ATP6V0A2: variants seen among roughly 807,000 people sequenced by gnomAD.
ATP6V0A2 encodes the protein V-type proton ATPase 116 kDa subunit a 2.
Under a neutral mutation model 104.4 loss-of-function variants are expected in ATP6V0A2, and 58 were observed. The ratio of observed to expected loss-of-function variants is 0.56; its 90% CI spans 0.45 to 0.69. The LOEUF (loss-of-function observed/expected upper bound fraction) is 0.69. Among genes scored for constraint, ATP6V0A2 ranks in the 30% least tolerant of loss-of-function variants. The pLI is 0.00. For synonymous variants in ATP6V0A2, 376 were observed against 397.9 expected, an observed-to-expected ratio of 0.95 and a Z score of 0.65; for missense variants, 938 against 1,062.9, an observed-to-expected ratio of 0.88 and a Z score of 1.63.
Position 123,728,842 on chromosome 12 carries a change from G to A in ATP6V0A2, c.648+933G>A, listed in dbSNP as rs960741077. 4.1e-4 allele frequency among the ~76,000 whole-genome samples: 62 copies of A among 149,836 alleles called. 1 individual carries two copies. The highest frequency in any genetic ancestry group is 4.4e-5 in the Non-Finnish European group (3 of 67,508). ...CTGGTCATGGTCCCTCTGATCACTTGATTAGTTCCATTACTGGTCATGGTC... is the reference window on the plus strand; with the variant it reads ...CTGGTCATGGTCCCTCTGATCACTTAATTAGTTCCATTACTGGTCATGGTC... On this transcript the variant is annotated intron_variant, in intron 6 of 19. Transcript: ENST00000330342.
chr12:123,743,443 C>T (rs1206045847), intron 9 of ATP6V0A2, among the ~76,000 whole-genome samples: 4 of 152,116 alleles, frequency 2.6e-5, no homozygotes, highest in Admixed American at 2.0e-4. Context: ...CACCTGAGGT[C>T]GGGAGTTCGA....
intron 1 of ATP6V0A2, among the ~76,000 whole-genome samples, chr12:123,716,220 C>G (rs535939985): frequency 9.0e-4 from 137 of 152,140 alleles, no homozygotes; most frequent in Non-Finnish European, 1.4e-3. Context: ...GCGCGCGCCA[C>G]CACGCCTGGC....
intron 1 of ATP6V0A2, among the ~76,000 whole-genome samples, chr12:123,713,348 T>G: frequency 6.6e-6 from 1 of 151,990 alleles, no homozygotes; most frequent in East Asian, 1.9e-4. Context: ...TGTAAGGACT[T>G]AAGAACTCAG....
chr12:123,753,930 T>A (rs1336701368), intron 17 of ATP6V0A2: 1 of 170,378 alleles, frequency 5.9e-6, no homozygotes, highest in African/African-American at 2.4e-5. Flanking sequence ...GAGAGTCACC[T>A]TGCCTGGTGC....
chr12:123,747,265 C>T (rs1264145811), intron 13 of ATP6V0A2, among the ~76,000 whole-genome samples: 4 of 152,184 alleles, frequency 2.6e-5, no homozygotes, highest in Non-Finnish European at 5.9e-5. Flanking sequence ...GGACATAACC[C>T]AGGACCTTGA....
intron 6 of ATP6V0A2, among the ~76,000 whole-genome samples, chr12:123,728,443 C>G (rs1453549742): frequency 7.3e-6 from 1 of 137,220 alleles, no homozygotes; most frequent in Non-Finnish European, 1.5e-5. Flanking sequence ...AGATGGGGAT[C>G]TTAACTATGC....
intron 2 of ATP6V0A2, among the ~76,000 whole-genome samples, chr12:123,719,928 A>G (rs2135881612): frequency 6.6e-6 from 1 of 152,206 alleles, no homozygotes; most frequent in Non-Finnish European, 1.5e-5. Flanking sequence ...GTTAACCAAC[A>G]AACGACCCCA....
At chr12:123,716,512 C>T (rs1023582210) in intron 1 of ATP6V0A2, among the ~76,000 whole-genome samples, 1 of 151,988 alleles carries the variant, frequency 6.6e-6, no homozygotes, top group Non-Finnish European at 1.5e-5. Flanking sequence ...TTATGGAGGC[C>T]GGGTGCAGTG....
At position 123,712,560 on chromosome 12, in the gene ATP6V0A2, C is replaced by G; in HGVS notation, c.-6C>G. The G allele has an allele frequency of 6.3e-7, 1 of 1,576,372 alleles. No individual in the cohort carries two copies. The highest frequency in any genetic ancestry group is 1.1e-5 in the South Asian group (1 of 87,392). On this transcript the variant is annotated 5_prime_UTR_variant, in exon 1 of 20. Coordinates refer to ENST00000330342, the MANE Select transcript of ATP6V0A2 (RefSeq NM_012463.4). ...TCGAGCCCCTCCGGGCGCGGGTCGGCCCGCCATGGGGTCCCTGTTCCGGAG... is the reference window on the plus strand; with the variant it reads ...TCGAGCCCCTCCGGGCGCGGGTCGGGCCGCCATGGGGTCCCTGTTCCGGAG...
intron 9 of ATP6V0A2, among the ~76,000 whole-genome samples, chr12:123,740,491 G>A (rs142761113): frequency 0.021 from 3,214 of 152,286 alleles, 118 homozygotes; most frequent in African/African-American, 0.072. Context: ...GATTACAGGC[G>A]TGAGCCATCG....
At position 123,735,508 on chromosome 12, in the gene ATP6V0A2, T is replaced by C. The variant is rs2271660; in HGVS notation, c.732-23T>C. On this transcript the variant is annotated intron_variant, in intron 7 of 19. Coordinates refer to ENST00000330342, the MANE Select transcript of ATP6V0A2 (RefSeq NM_012463.4). ...GTTCTAGTGCTGACAGATGTGAGACTGTGTTCAACTCTTGTCTTCCAGCTA... is the reference window on the plus strand; with the variant it reads ...GTTCTAGTGCTGACAGATGTGAGACCGTGTTCAACTCTTGTCTTCCAGCTA... 0.61 allele frequency: 978,065 copies of C among 1,601,846 alleles called. 303,452 individuals are homozygous for C. The highest frequency in any genetic ancestry group is 0.95 in the East Asian group (42,671 of 44,782).
At chr12:123,717,560 A>G (rs1956356436) in intron 1 of ATP6V0A2, among the ~76,000 whole-genome samples, 1 of 149,366 alleles carries the variant, frequency 6.7e-6, no homozygotes, top group African/African-American at 2.5e-5. Context: ...TCCTCCTGCC[A>G]CAGCCTTCTG....
At chr12:123,718,998 C>T (rs1956370931) in intron 2 of ATP6V0A2, among the ~76,000 whole-genome samples, 1 of 152,130 alleles carries the variant, frequency 6.6e-6, no homozygotes, top group Non-Finnish European at 1.5e-5. Flanking sequence ...GATATTTACC[C>T]ATCATCGTTT....
intron 6 of ATP6V0A2, chr12:123,732,803 C>G (rs569590577): frequency 7.4e-6 from 1 of 135,030 alleles, no homozygotes; most frequent in East Asian, 2.6e-4. Context: ...ATAGCACTTA[C>G]CTCTACCTGG....
chr12:123,745,651 A>G (rs2135911391), intron 13 of ATP6V0A2, among the ~76,000 whole-genome samples: 1 of 151,270 alleles, frequency 6.6e-6, no homozygotes, highest in African/African-American at 2.4e-5. Context: ...GCTTGCAGTG[A>G]GCCGAGATGG....
Position 123,744,177 on chromosome 12 carries a change from A to T in ATP6V0A2, c.1190-24A>T. The T allele has an allele frequency of 6.2e-7, 1 of 1,614,084 alleles. No individual in the cohort carries two copies. Among genetic ancestry groups the T allele is most frequent in the South Asian group, 1.1e-5 (1 of 91,084 alleles). On this transcript the variant is annotated intron_variant, in intron 10 of 19. Coordinates refer to ENST00000330342, the MANE Select transcript of ATP6V0A2 (RefSeq NM_012463.4). This position sits in a 1 kb window ranked among gnomAD's most constrained non-coding sequence, Gnocchi z 5.4. ...TTTTCCATATTTGCTGTGAATCAGA[A>T]ATCTCTTTCCCTTTTTTCTGCAGCT...
In ATP6V0A2 at chr12:123,734,020, A is replaced by G; in HGVS notation, c.731+12A>G. On this transcript the variant is annotated intron_variant, in intron 7 of 19. Coordinates refer to ENST00000330342, the MANE Select transcript of ATP6V0A2 (RefSeq NM_012463.4). The stretch of plus-strand genomic sequence containing the variant: ...AAGATATGTGATTGGTAAGAAAAAG[A>G]AACATTTCATTTCATTTATGTCTTT... The G allele has an allele frequency of 2.5e-6, 4 of 1,600,162 alleles. No homozygotes were observed. Among genetic ancestry groups the G allele is most frequent in the Non-Finnish European group, 3.4e-6 (4 of 1,168,014 alleles).
intron 2 of ATP6V0A2, 113 bp downstream of exon 2, chr12:123,718,814 G>T: frequency 1.4e-6 from 1 of 723,576 alleles, no homozygotes; most frequent in Non-Finnish European, 2.3e-6. Context: ...AAAAGAAATT[G>T]TATTCTCATT....
At position 123,726,181 on chromosome 12, in the gene ATP6V0A2, A is replaced by G. The variant is rs1956447057; in HGVS notation, c.433-16A>G. 1 of 1,572,180 alleles carries G rather than the reference A, an allele frequency of 6.4e-7. No homozygotes were observed. Among genetic ancestry groups the G allele is most frequent in the Non-Finnish European group, 8.8e-7 (1 of 1,142,086 alleles). On this transcript the variant is annotated splice_polypyrimidine_tract_variant and intron_variant, in intron 4 of 19. Coordinates refer to ENST00000330342, the MANE Select transcript of ATP6V0A2 (RefSeq NM_012463.4). ...CTTTTAATGAGACACACTTGGTTTC[A>G]TATGTTTATTTCTAGTTTGAACCCA...
Sources: allele counts gnomAD v4.1 joint callset (sites outside exome capture counted in the v4.1 genomes callset), GRCh38; gene constraint gnomAD v4.1.1; non-coding constraint Gnocchi (gnomAD v3.1); transcripts MANE v1.5; gene names NCBI Gene and HGNC (gene_info 2026-07-23, HGNC 2026-07-21).